The following MAP7 variants were observed in gnomAD, a reference collection of about 807,000 sequenced individuals.
MAP7 encodes the protein ensconsin.
In MAP7, 52 loss-of-function variants were observed where a neutral mutation model predicts 94.8. That is an observed-to-expected ratio of 0.55 (90% CI 0.44 to 0.69). MAP7 has a LOEUF of 0.69. Ranked by LOEUF, MAP7 falls within the 30% of genes least tolerant of loss-of-function variation. The probability of loss-of-function intolerance (pLI) is 0.00; values close to 1 mark genes in which losing one functional copy is unlikely to be tolerated. For synonymous variants in MAP7, 350 were observed against 357.0 expected, an observed-to-expected ratio of 0.98 and a Z score of 0.22; for missense variants, 940 against 964.6, an observed-to-expected ratio of 0.97 and a Z score of 0.34.
At chr6:136,384,317 AAAAAGT>A (rs1203424912) in intron 5 of MAP7, among the ~76,000 whole-genome samples, 1 of 152,160 alleles carries the variant, frequency 6.6e-6, no homozygotes, top group Non-Finnish European at 1.5e-5. Context: ...AAAAAAAAAG[AAAAAGT>A]AAAAGAAACA....
chr6:136,507,433 C>G (rs892099585), intron 1 of MAP7, among the ~76,000 whole-genome samples: 1 of 123,592 alleles, frequency 8.1e-6, no homozygotes, highest in African/African-American at 3.1e-5. Context: ...TAACTTGTTT[C>G]AAGTCTTCCA....
chr6:136,463,541 A>C (rs957718661), intron 1 of MAP7, among the ~76,000 whole-genome samples: 6 of 152,114 alleles, frequency 3.9e-5, no homozygotes, highest in African/African-American at 1.2e-4. Flanking sequence ...TGTTTTTTCC[A>C]CCTTAACTAG....
chr6:136,477,309 C>T (rs560028332), intron 1 of MAP7, among the ~76,000 whole-genome samples: 33 of 152,210 alleles, frequency 2.2e-4, no homozygotes, highest in African/African-American at 7.7e-4. Flanking sequence ...AGACATCCTA[C>T]AAAACAACTG....
intron 6 of MAP7, among the ~76,000 whole-genome samples, chr6:136,379,701 T>G (rs185816220): frequency 1.3e-5 from 2 of 152,376 alleles, no homozygotes; most frequent in Non-Finnish European, 1.5e-5. Context: ...TGGGTTGTCA[T>G]GGAAAAGATA....
At chr6:136,501,022 T>C (rs950565534) in intron 1 of MAP7, among the ~76,000 whole-genome samples, 2 of 152,210 alleles carry the variant, frequency 1.3e-5, no homozygotes, top group Admixed American at 6.5e-5. Flanking sequence ...ATTACCCTCA[T>C]TGCAATGTAA....
rs567766302 is a variant in MAP7, at chr6:136,347,888, G to T, written c.2016-1809C>A. On this transcript the variant is annotated intron_variant, in intron 16 of 17. Coordinates refer to ENST00000354570, the MANE Select transcript of MAP7 (RefSeq NM_003980.6). The stretch of plus-strand genomic sequence containing the variant: ...GCAGAATACACTGAAAACATTATTT[G>T]TAAAATAATCTGAAATATTATACAG... 2.0e-5 allele frequency among the ~76,000 whole-genome samples: 3 copies of T among 152,186 alleles called. No homozygotes were observed. In the East Asian group the frequency reaches 5.8e-4, roughly 29 times the overall value.
In MAP7 at chr6:136,417,034, G is replaced by A. The variant is rs543968256; in HGVS notation, c.166+4667C>T. 3.9e-5 allele frequency among the ~76,000 whole-genome samples: 6 copies of A among 152,220 alleles called. No homozygotes were observed. The South Asian group carries it at 6.2e-4, about 16-fold the overall frequency. On this transcript the variant is annotated intron_variant, in intron 2 of 17. Transcript: ENST00000354570. ...CTCAGGAGGCTGAGGTGACAGGATC[G>A]CTTGAGGCTGGGAGATCTAGGCTAC...
At chr6:136,527,639 C>T (rs1828096482) in intron 1 of MAP7, among the ~76,000 whole-genome samples, 2 of 152,182 alleles carry the variant, frequency 1.3e-5, no homozygotes, top group South Asian at 4.1e-4. Flanking sequence ...GTGCTAGCAA[C>T]TTGAAGTGCT....
At chr6:136,421,470 C>T (rs1438065880) in intron 2 of MAP7, among the ~76,000 whole-genome samples, 3 of 152,140 alleles carry the variant, frequency 2.0e-5, no homozygotes, top group Non-Finnish European at 4.4e-5. Context: ...GTGTTTGAAT[C>T]TACATTTTAA....
chr6:136,408,510 T>C (rs1786326580), intron 3 of MAP7, among the ~76,000 whole-genome samples: 1 of 152,212 alleles, frequency 6.6e-6, no homozygotes. Context: ...CCTTGCTTTT[T>C]AAAATACGTG....
At chr6:136,370,200 T>C (rs1073785) in intron 8 of MAP7, among the ~76,000 whole-genome samples, 112,021 of 152,104 alleles carry the variant, frequency 0.74, 42,492 homozygotes, top group Middle Eastern at 0.85. Flanking sequence ...ATTAAAGAAA[T>C]GCAAACCAAA....
chr6:136,402,973 C>G (rs913379667), intron 3 of MAP7, among the ~76,000 whole-genome samples: 2 of 146,150 alleles, frequency 1.4e-5, no homozygotes, highest in Non-Finnish European at 3.0e-5. Flanking sequence ...GACTTACTAT[C>G]TCAGGGCTAG....
At chr6:136,392,223 G>A (rs529340531) in intron 3 of MAP7, among the ~76,000 whole-genome samples, 97 of 152,058 alleles carry the variant, frequency 6.4e-4, no homozygotes, top group African/African-American at 2.1e-3. Context: ...GACTACAGGC[G>A]TGCACCACTA....
At chr6:136,510,486 T>C (rs1822935623) in intron 1 of MAP7, among the ~76,000 whole-genome samples, 1 of 152,020 alleles carries the variant, frequency 6.6e-6, no homozygotes, top group South Asian at 2.1e-4. Context: ...CTCATAACTG[T>C]GAGAACACAG....
intron 1 of MAP7, among the ~76,000 whole-genome samples, chr6:136,427,954 G>C (rs1793684984): frequency 1.3e-5 from 2 of 152,086 alleles, no homozygotes; most frequent in African/African-American, 4.8e-5. Flanking sequence ...TAAACCAAAA[G>C]GAAATAAATT....
At chr6:136,539,254 A>G (rs566193438) in intron 1 of MAP7, among the ~76,000 whole-genome samples, 2 of 152,338 alleles carry the variant, frequency 1.3e-5, no homozygotes, top group Admixed American at 1.3e-4. Context: ...ACCCTATTTT[A>G]AAAAGGAAGA....
At chr6:136,349,298 ACGT>A (rs957021601) in intron 16 of MAP7, among the ~76,000 whole-genome samples, 29 of 152,204 alleles carry the variant, frequency 1.9e-4, no homozygotes, top group Non-Finnish European at 3.1e-4. Flanking sequence ...TATTTTATAA[ACGT>A]CGTATATCTT....
chr6:136,413,968 G>A (rs1788354866), intron 2 of MAP7, among the ~76,000 whole-genome samples: 1 of 151,996 alleles, frequency 6.6e-6, no homozygotes, highest in African/African-American at 2.4e-5. Flanking sequence ...TGGTTAAATG[G>A]GCCGGGCGCG....
chr6:136,538,391 T>C (rs909131957), intron 1 of MAP7, among the ~76,000 whole-genome samples: 1 of 152,252 alleles, frequency 6.6e-6, no homozygotes, highest in African/African-American at 2.4e-5. Flanking sequence ...AATGTGGTGA[T>C]AGTGCCTTGT....
Sources: gnomAD v4.1 joint callset for allele counts (sites outside exome capture counted in the v4.1 genomes callset) on GRCh38, gnomAD v4.1.1 for gene constraint, MANE v1.5 for transcripts, NCBI Gene and HGNC (gene_info 2026-07-23, HGNC 2026-07-21) for gene names.